The following NIPBL variants were observed in gnomAD, a reference collection of about 807,000 sequenced individuals.
The protein encoded by NIPBL is NIPBL cohesin loading factor.
NIPBL carries 19 observed loss-of-function variants against 321.8 expected under a neutral mutation model. That is an observed-to-expected ratio of 0.06 (90% CI 0.04 to 0.09). The LOEUF is 0.09. Ranked by LOEUF, NIPBL falls within the 10% of genes least tolerant of loss-of-function variation. The probability of loss-of-function intolerance (pLI) is 1.00; values close to 1 mark genes in which losing one functional copy is unlikely to be tolerated. For synonymous variants in NIPBL, 1,106 were observed against 1,114.1 expected (o/e 0.99, Z 0.14); for missense variants, 2,210 against 3,327.0 (o/e 0.66, Z 8.26).
Position 37,020,588 on chromosome 5 carries a change from G to A in NIPBL, c.5140G>A (p.Gly1714Ser). The A allele has an allele frequency of 2.5e-6, 4 of 1,614,042 alleles. No individual in the cohort carries two copies. Among genetic ancestry groups the A allele is most frequent in the South Asian group, 1.1e-5 (1 of 91,074 alleles). ...TCATGCAAAGGAAATTGAGACAACT[G>A]GCCAAATTATGCATCGAGCTGAAAA... ...THHAKEIETT[G>S]QIMHRAENRK... Residue 1714 changes from glycine (G) to serine (S), a missense_variant, in exon 26 of 47, where the codon GGC becomes AGC. Gly to Ser is a moderately conservative substitution (Grantham distance 56). Coordinates refer to ENST00000282516, the MANE Select transcript of NIPBL (RefSeq NM_133433.4).
intron 1 of NIPBL, among the ~76,000 whole-genome samples, chr5:36,933,578 T>G (rs377354766): frequency 6.6e-6 from 1 of 152,146 alleles, no homozygotes; most frequent in Non-Finnish European, 1.5e-5. Context: ...TAAAAGAAGT[T>G]TGTTTTTAAT....
chr5:36,980,419 G>A (rs1173134068), intron 9 of NIPBL, among the ~76,000 whole-genome samples: 5 of 151,666 alleles, frequency 3.3e-5, no homozygotes, highest in South Asian at 4.1e-4. Context: ...CTCTTATTTC[G>A]TGGATTTATA....
At chr5:37,063,414 C>T (rs1755009387) in intron 45 of NIPBL, among the ~76,000 whole-genome samples, 1 of 152,202 alleles carries the variant, frequency 6.6e-6, no homozygotes, top group South Asian at 2.1e-4. Flanking sequence ...AAATGTCTAT[C>T]AGTAATTATC....
chr5:36,912,187 G>T (rs1748099603), intron 1 of NIPBL, among the ~76,000 whole-genome samples: 1 of 152,156 alleles, frequency 6.6e-6, no homozygotes, highest in Admixed American at 6.5e-5. Context: ...AGATAAAATT[G>T]ATAGGCTTGG....
intron 10 of NIPBL, among the ~76,000 whole-genome samples, chr5:36,993,509 T>C (rs1165005666): frequency 1.3e-5 from 2 of 152,186 alleles, no homozygotes; most frequent in African/African-American, 4.8e-5. Flanking sequence ...TCTGGGAACA[T>C]AATCCATTGC....
At chr5:37,028,955 C>G (rs986198091) in intron 32 of NIPBL, among the ~76,000 whole-genome samples, 6 of 152,140 alleles carry the variant, frequency 3.9e-5, no homozygotes, top group Non-Finnish European at 7.3e-5. Flanking sequence ...TAATAGTCCA[C>G]TTTTTTTCTG....
chr5:36,917,034 T>C (rs757624340), intron 1 of NIPBL, among the ~76,000 whole-genome samples: 5 of 152,214 alleles, frequency 3.3e-5, no homozygotes, highest in Non-Finnish European at 7.3e-5. Context: ...GATGGCTGGA[T>C]CCACTGGTAT....
intron 1 of NIPBL, among the ~76,000 whole-genome samples, chr5:36,910,414 T>G (rs896036921): frequency 6.6e-6 from 1 of 152,178 alleles, no homozygotes; most frequent in Non-Finnish European, 1.5e-5. Context: ...ATGGGCACCT[T>G]AGGCTCAGAA....
chr5:37,006,905 T>G (rs1469610741), intron 17 of NIPBL, among the ~76,000 whole-genome samples: 1 of 151,968 alleles, frequency 6.6e-6, no homozygotes, highest in Non-Finnish European at 1.5e-5. Context: ...AAATACTCCT[T>G]TTCTTGTTCT....
At chr5:36,961,985 T>C in intron 5 of NIPBL, 138 bp from the exon 6 acceptor site, 1 of 974,094 alleles carries the variant, frequency 1.0e-6, no homozygotes, top group South Asian at 1.5e-5. Flanking sequence ...TATTTGACTA[T>C]TTTGCAAGAT....
intron 9 of NIPBL, among the ~76,000 whole-genome samples, chr5:36,984,193 T>G (rs994737889): frequency 3.9e-5 from 6 of 152,044 alleles, no homozygotes; most frequent in African/African-American, 1.4e-4. Context: ...CATACTTATC[T>G]TAGATACAGT....
At chr5:37,001,575 C>A (rs1746807146) in intron 14 of NIPBL, among the ~76,000 whole-genome samples, 1 of 152,100 alleles carries the variant, frequency 6.6e-6, no homozygotes, top group Admixed American at 6.6e-5. Context: ...ATCTATTCTT[C>A]TGTTCATTTA....
In NIPBL at chr5:36,971,000, G is replaced by A; in HGVS notation, c.735G>A (p.Glu245=). The change falls in exon 7 of 47, where the codon GAG becomes GAA. Residue 245 remains glutamate, a synonymous_variant. Coordinates refer to ENST00000282516, the MANE Select transcript of NIPBL (RefSeq NM_133433.4). The part of the protein sequence containing the change: ...HADNPRHGSS[E]DYLHMVHRLS... ...ATAATCCTAGACATGGTTCAAGTGA[G>A]GACTACCTACACATGGTGCACAGGC... 1 of 1,613,534 alleles carries A rather than the reference G, an allele frequency of 6.2e-7. No homozygotes were observed. The highest frequency in any genetic ancestry group is 8.5e-7 in the Non-Finnish European group (1 of 1,179,576).
intron 39 of NIPBL, 40 bp downstream of exon 39, chr5:37,048,715 A>T (rs1474528367): frequency 6.4e-6 from 9 of 1,403,406 alleles, no homozygotes; most frequent in Non-Finnish European, 9.0e-6. Context: ...AGCTACATTT[A>T]TATTATAATG....
intron 9 of NIPBL, among the ~76,000 whole-genome samples, chr5:36,982,574 C>T (rs1744264858): frequency 6.6e-6 from 1 of 151,744 alleles, no homozygotes. Flanking sequence ...ATCTTAATTA[C>T]TTGTGTGCAA....
At chr5:36,946,025 G>T (rs899472491) in intron 1 of NIPBL, among the ~76,000 whole-genome samples, 1 of 151,890 alleles carries the variant, frequency 6.6e-6, no homozygotes, top group Non-Finnish European at 1.5e-5. Context: ...AGGATTTTAG[G>T]TGTTTTATAA....
At chr5:36,994,978 G>A (rs566449983) in intron 10 of NIPBL, among the ~76,000 whole-genome samples, 1 of 152,148 alleles carries the variant, frequency 6.6e-6, no homozygotes, top group African/African-American at 2.4e-5. Flanking sequence ...TTTATCCTGT[G>A]TTACATGTTT....
intron 1 of NIPBL, among the ~76,000 whole-genome samples, chr5:36,926,070 G>A (rs1052326938): frequency 6.6e-6 from 1 of 152,122 alleles, no homozygotes; most frequent in African/African-American, 2.4e-5. Flanking sequence ...CTGAATATGA[G>A]AATAAACATA....
intron 7 of NIPBL, 135 bp downstream of exon 7, chr5:36,971,171 C>T: frequency 6.7e-6 from 5 of 746,206 alleles, no homozygotes; most frequent in Admixed American, 4.1e-5. Flanking sequence ...ATGGCTCCTG[C>T]ACATACAGAG....
Sources: gnomAD v4.1 joint callset for allele counts (sites outside exome capture counted in the v4.1 genomes callset) on GRCh38, gnomAD v4.1.1 for gene constraint, MANE v1.5 for transcripts, NCBI Gene and HGNC (gene_info 2026-07-23, HGNC 2026-07-21) for gene names.